Variants in CDC42 observed in about 807,000 individuals in gnomAD.
CDC42 encodes the protein cell division cycle 42, also known as cell division control protein 42 homolog.
A neutral mutation model predicts 20.8 loss-of-function variants in CDC42; 1 was observed. The ratio of observed to expected loss-of-function variants is 0.05; its 90% CI spans 0.02 to 0.23. The LOEUF (loss-of-function observed/expected upper bound fraction) is 0.23, where lower values mean the gene tolerates loss of function less well. Among genes scored for constraint, CDC42 ranks in the 10% least tolerant of loss-of-function variants. CDC42 has a pLI of 1.00. For synonymous variants in CDC42, 72 were observed against 84.8 expected, an observed-to-expected ratio of 0.85 and a Z score of 0.83; for missense variants, 49 against 227.9, an observed-to-expected ratio of 0.21 and a Z score of 5.05.
chr1:22,082,881 AT>A (rs5772985), intron 3 of CDC42, among the ~76,000 whole-genome samples: 6 of 146,918 alleles, frequency 4.1e-5, no homozygotes, highest in Admixed American at 6.8e-5. Flanking sequence ...GAAAATTTTT[AT>A]TTTTTTTTTT....
intron 1 of CDC42, among the ~76,000 whole-genome samples, chr1:22,058,519 G>A (rs1251766596): frequency 7.3e-6 from 1 of 136,604 alleles, no homozygotes. Flanking sequence ...TTTTGCCCTT[G>A]TTGCCCAGGC....
intron 2 of CDC42, among the ~76,000 whole-genome samples, chr1:22,079,156 T>C (rs1570017498): frequency 1.7e-5 from 2 of 118,060 alleles, no homozygotes; most frequent in African/African-American, 6.7e-5. Context: ...TTTTTTTTTT[T>C]GAGATGGAGT....
intron 1 of CDC42, among the ~76,000 whole-genome samples, chr1:22,077,013 G>A (rs1422969538): frequency 1.3e-5 from 2 of 151,828 alleles, no homozygotes; most frequent in African/African-American, 2.4e-5. Context: ...AAACCCAGCC[G>A]GGCATGGTGG....
chr1:22,056,204 G>A (rs899979853), intron 1 of CDC42, among the ~76,000 whole-genome samples: 1 of 152,186 alleles, frequency 6.6e-6, no homozygotes, highest in Non-Finnish European at 1.5e-5. Context: ...GAGGGTTAAC[G>A]TTTTCCCTAA....
At chr1:22,080,642 G>A (rs1486693081) in intron 2 of CDC42, among the ~76,000 whole-genome samples, 8 of 152,176 alleles carry the variant, frequency 5.3e-5, no homozygotes, top group Admixed American at 5.2e-4. Context: ...GTATATGAAA[G>A]CATTGCTTTT....
At chr1:22,086,201 G>C (rs1645660957) in intron 3 of CDC42, among the ~76,000 whole-genome samples, 1 of 152,110 alleles carries the variant, frequency 6.6e-6, no homozygotes, top group Non-Finnish European at 1.5e-5. Context: ...CACAAAGATT[G>C]AACACCACAA....
chr1:22,093,628 T>C lies in CDC42; in HGVS notation c.*2111T>C, dbSNP rs1311884087. The stretch of plus-strand genomic sequence containing the variant: ...GTCATGTTTGGCATGATTTGCATAC[T>C]GTGCTAGAATTAAGCTGGGTTGGTT... On this transcript the variant is annotated 3_prime_UTR_variant, in exon 6 of 6. Coordinates refer to ENST00000656825, the MANE Select transcript of CDC42 (RefSeq NM_001791.4). Among the ~76,000 whole-genome samples, 1 of 152,236 alleles carries C rather than the reference T, an allele frequency of 6.6e-6. No individual in the cohort carries two copies. The highest frequency in any genetic ancestry group is 2.4e-5 in the African/African-American group (1 of 41,462).
chr1:22,089,848 A>G (rs1426757522), intron 5 of CDC42: 1 of 1,220,928 alleles, frequency 8.2e-7, no homozygotes, highest in Non-Finnish European at 1.1e-6. Flanking sequence ...GCTTCTGTGA[A>G]TTCAGCTCAT....
chr1:22,059,287 C>T (rs1233149753), intron 1 of CDC42: 1 of 151,826 alleles, frequency 6.6e-6, no homozygotes, highest in Non-Finnish European at 1.5e-5. Flanking sequence ...CACCACAGCA[C>T]GGGGCCTTAA....
At chr1:22,068,577 T>C (rs993314859) in intron 1 of CDC42, 1 of 152,720 alleles carries the variant, frequency 6.5e-6, no homozygotes, top group African/African-American at 2.4e-5. Flanking sequence ...CACTAATTTC[T>C]CAACCTCAGG....
chr1:22,098,356 CTGAGATT>C lies in CDC42; in HGVS notation c.*6840_*6846del, dbSNP rs1645770530. 6.6e-6 allele frequency among the ~76,000 whole-genome samples: 1 copy of C among 151,996 alleles called. No homozygotes were observed. The highest frequency in any genetic ancestry group is 1.9e-4 in the East Asian group (1 of 5,194). On this transcript the variant is annotated 3_prime_UTR_variant, in exon 6 of 6. Coordinates refer to ENST00000656825, the MANE Select transcript of CDC42 (RefSeq NM_001791.4). ...GGGAAGGCTGAAAAAAAAAATACTC[CTGAGATT>C]CTGAATCTGTAAGTATGCAATGGGA...
chr1:22,064,557 C>G (rs1450735093), intron 1 of CDC42, among the ~76,000 whole-genome samples: 1 of 152,210 alleles, frequency 6.6e-6, no homozygotes, highest in African/African-American at 2.4e-5. Flanking sequence ...TCCCAAAGTG[C>G]TGGGATCACA....
rs1462278240 is a variant in CDC42 at position 22,099,556 on chromosome 1, C to T, written c.*8039C>T. Among the ~76,000 whole-genome samples the T allele has an allele frequency of 6.6e-6, 1 of 152,156 alleles. No homozygotes were observed. The highest frequency in any genetic ancestry group is 2.4e-5 in the African/African-American group (1 of 41,420). On this transcript the variant is annotated 3_prime_UTR_variant, in exon 6 of 6. Coordinates refer to ENST00000656825, the MANE Select transcript of CDC42 (RefSeq NM_001791.4). Reference sequence around the variant, plus strand: ...TATGATTAATTACAAAGCTGAAAATCGTAGTTGAAGCATCATATAGTGCAC... The same window carrying T: ...TATGATTAATTACAAAGCTGAAAATTGTAGTTGAAGCATCATATAGTGCAC...
chr1:22,077,530 C>T (rs1474531704), intron 1 of CDC42, among the ~76,000 whole-genome samples: 3 of 151,798 alleles, frequency 2.0e-5, no homozygotes, highest in African/African-American at 4.8e-5. Context: ...AATTTAGGTA[C>T]ATATTGGGTG....
At position 22,094,294 on chromosome 1, in the gene CDC42, ATTTTTT is replaced by A. The variant is rs747002932; in HGVS notation, c.*2793_*2798del. Among the ~76,000 whole-genome samples the A allele has an allele frequency of 1.3e-4, 5 of 38,304 alleles. 1 individual carries two copies. The Admixed American group carries it at 1.6e-3, about 12-fold the overall frequency. 25.1% of individuals were successfully genotyped at this position (38,304 alleles called of 152,430 possible). A position where few individuals can be genotyped will look rare whatever the true frequency, so the allele number is the denominator to read the frequency against. On this transcript the variant is annotated 3_prime_UTR_variant, in exon 6 of 6. Transcript: ENST00000656825. ...GTTTTACTGAACATCCTAGAAATAG[ATTTTTT>A]TTTTTTTTTTTTTTTGAGACGGAGT...
At chr1:22,062,197 A>G (rs2152827147) in intron 1 of CDC42, among the ~76,000 whole-genome samples, 1 of 152,244 alleles carries the variant, frequency 6.6e-6, no homozygotes, top group South Asian at 2.1e-4. Flanking sequence ...TGGCCTCCCA[A>G]AGTGTTGGGA....
intron 1 of CDC42, among the ~76,000 whole-genome samples, chr1:22,077,200 G>T (rs1038124223): frequency 6.6e-6 from 1 of 152,050 alleles, no homozygotes; most frequent in Non-Finnish European, 1.5e-5. Context: ...TGAGGAGCGG[G>T]AGAGTGTATA....
At chr1:22,081,962 A>C (rs988952555) in intron 3 of CDC42, among the ~76,000 whole-genome samples, 168 bp downstream of exon 3, 2 of 152,198 alleles carry the variant, frequency 1.3e-5, no homozygotes, top group African/African-American at 4.8e-5. Flanking sequence ...GAGCAGTCCC[A>C]GACCTGGGTC....
chr1:22,091,335 C>T, intron 5 of CDC42, 93 bp from the exon 6 acceptor site: 1 of 742,482 alleles, frequency 1.3e-6, no homozygotes, highest in Non-Finnish European at 2.3e-6. Context: ...CTTTCTTTGC[C>T]AACTCTTGGG....
Sources: gnomAD v4.1 joint callset for allele counts (sites outside exome capture counted in the v4.1 genomes callset) on GRCh38, gnomAD v4.1.1 for gene constraint, MANE v1.5 for transcripts, NCBI Gene and HGNC (gene_info 2026-07-23, HGNC 2026-07-21) for gene names.